BRCA2: variants seen among roughly 807,000 people sequenced by gnomAD.
The protein encoded by BRCA2 is breast cancer type 2 susceptibility protein.
Under a neutral mutation model 276.7 loss-of-function variants are expected in BRCA2, and 203 were observed. The observed-to-expected ratio is 0.73, with a 90% confidence interval of 0.65 to 0.82. The LOEUF is 0.82. Among genes scored for constraint, BRCA2 ranks in the 40% least tolerant of loss-of-function variants. BRCA2 has a pLI of 0.00. For missense variants in BRCA2, 3,920 were observed against 3,915.0 expected, an observed-to-expected ratio of 1.00 and a Z score of -0.03; for synonymous variants, 1,289 against 1,338.4, an observed-to-expected ratio of 0.96 and a Z score of 0.81.
Position 32,319,241 on chromosome 13 carries a change from C to T in BRCA2, c.232C>T (p.Pro78Ser), listed in dbSNP as rs398122745. 1.2e-6 allele frequency: 2 copies of T among 1,613,576 alleles called. No homozygotes were observed. Among genetic ancestry groups the T allele is most frequent in the Non-Finnish European group, 1.7e-6 (2 of 1,179,624 alleles). Residue 78 changes from proline (P) to serine (S), a missense_variant, in exon 3 of 27, where the codon CCA becomes TCA. Transcript: ENST00000380152. The part of the protein sequence containing the change: ...KPSYNQLAST[P>S]IIFKEQGLTL... Reference sequence around the variant, plus strand: ...ATCTTATAATCAGCTGGCTTCAACTCCAATAATATTCAAAGAGCAAGGGCT... The same window carrying T: ...ATCTTATAATCAGCTGGCTTCAACTTCAATAATATTCAAAGAGCAAGGGCT...
In BRCA2 at chr13:32,355,050, A is replaced by G. The variant is rs1555286035; in HGVS notation, c.7197A>G (p.Thr2399=). 3 of 1,614,086 alleles carry G rather than the reference A, an allele frequency of 1.9e-6. No individual in the cohort carries two copies. The highest frequency in any genetic ancestry group is 2.5e-6 in the Non-Finnish European group (3 of 1,179,958). The change falls in exon 14 of 27, where the codon ACA becomes ACG. Residue 2399 remains threonine (T), a synonymous_variant. Transcript: ENST00000380152. ...RNEKMRHLIT[T]GRPTKVFVPP... ...AAAAAATGAGACACTTGATTACTAC[A>G]GGCAGACCAACCAAAGTCTTTGTTC...
At chr13:32,368,776 GTTGT>G (rs921792709) in intron 18 of BRCA2, among the ~76,000 whole-genome samples, 6 of 148,888 alleles carry the variant, frequency 4.0e-5, no homozygotes, top group Middle Eastern at 3.4e-3. Flanking sequence ...TTTGTTGTTT[GTTGT>G]TTGTTTTTTG....
intron 13 of BRCA2, among the ~76,000 whole-genome samples, chr13:32,354,049 C>CT (rs979128186): frequency 6.6e-6 from 1 of 152,036 alleles, no homozygotes; most frequent in African/African-American, 2.4e-5. Context: ...GTTTTGGAGA[C>CT]TTTTTTTGAG....
At chr13:32,341,662 C>G (rs773034) in intron 11 of BRCA2, among the ~76,000 whole-genome samples, 1 of 151,628 alleles carries the variant, frequency 6.6e-6, no homozygotes, top group Non-Finnish European at 1.5e-5. Context: ...GTCAGGAGAT[C>G]GAGACCATCC....
intron 3 of BRCA2, among the ~76,000 whole-genome samples, chr13:32,320,392 C>A (rs1314230411): frequency 6.6e-6 from 1 of 152,216 alleles, no homozygotes. Context: ...TTGCCATATT[C>A]ATCCTCTCAC....
chr13:32,359,222 G>GAAAAAAAAA (rs67041705), intron 16 of BRCA2, among the ~76,000 whole-genome samples: 4 of 107,430 alleles, frequency 3.7e-5, no homozygotes, highest in Non-Finnish European at 5.5e-5. Flanking sequence ...TCCATCTCAA[G>GAAAAAAAAA]AAAAAAAAAA....
intron 13 of BRCA2, among the ~76,000 whole-genome samples, chr13:32,349,674 G>A (rs938811162): frequency 1.3e-5 from 2 of 151,794 alleles, no homozygotes; most frequent in African/African-American, 4.8e-5. Context: ...AAATTAGCTC[G>A]GCATGGTAGC....
chr13:32,351,584 G>C (rs1019913768), intron 13 of BRCA2, among the ~76,000 whole-genome samples: 1 of 152,184 alleles, frequency 6.6e-6, no homozygotes, highest in South Asian at 2.1e-4. Context: ...TGTGTGTGTA[G>C]TAAGGTAGAA....
At chr13:32,329,637 T>G in intron 8 of BRCA2, 145 bp downstream of exon 8, 1 of 676,790 alleles carries the variant, frequency 1.5e-6, no homozygotes, top group Non-Finnish European at 2.5e-6. Context: ...GTCCTATATG[T>G]GATTTTAACT....
intron 18 of BRCA2, among the ~76,000 whole-genome samples, chr13:32,365,678 T>C (rs1445593572): frequency 6.6e-6 from 1 of 151,086 alleles, no homozygotes; most frequent in East Asian, 1.9e-4. Flanking sequence ...ACGCCCAGCC[T>C]GTTTTGTTGT....
rs138489917 is a variant in BRCA2 at position 32,339,850 on chromosome 13, C to A, written c.5495C>A (p.Ser1832Tyr). The A allele has an allele frequency of 6.8e-6, 11 of 1,613,294 alleles. No homozygotes were observed. In the East Asian group the frequency reaches 8.9e-5, roughly 13 times the overall value. Residue 1832 changes from serine (S) to tyrosine (Y), a missense_variant, in exon 11 of 27, where the codon TCT (serine) becomes TAT (tyrosine). By Grantham distance (144) the Ser-to-Tyr change is moderately radical. Coordinates refer to ENST00000380152, the MANE Select transcript of BRCA2 (RefSeq NM_000059.4). The stretch of plus-strand genomic sequence containing the variant: ...AATGCAGCCATTAAATTGTCCATAT[C>A]TAATAGTAATAATTTTGAGGTAGGG... ...NKNAAIKLSI[S>Y]NSNNFEVGPP...
rs80359672 is a variant in BRCA2, at chr13:32,357,794, CAG to C, written c.7673_7674del (p.Glu2558ValfsTer7). ...TGCATAAAAATTAACAGCAAAAATG[CAG>C]AGTCTTTTCAGTTTCACACTGAAGA... On this transcript the variant is annotated frameshift_variant, in exon 16 of 27. Transcript: ENST00000380152. LOFTEE classifies it high-confidence loss of function. The C allele has an allele frequency of 6.2e-7, 1 of 1,613,678 alleles. No individual in the cohort carries two copies. The highest frequency in any genetic ancestry group is 1.1e-5 in the South Asian group (1 of 91,058).
In BRCA2 at chr13:32,344,544, A is replaced by G. The variant is rs81002821; in HGVS notation, c.6842-14A>G. On this transcript the variant is annotated splice_polypyrimidine_tract_variant and intron_variant, in intron 11 of 26. Coordinates refer to ENST00000380152, the MANE Select transcript of BRCA2 (RefSeq NM_000059.4). ...TATTTGCCTTAAAAACATATATGAAATATTTCTTTTTAGGAGAACCCTCAA... is the reference window on the plus strand; with the variant it reads ...TATTTGCCTTAAAAACATATATGAAGTATTTCTTTTTAGGAGAACCCTCAA... 2 of 1,463,490 alleles carry G rather than the reference A, an allele frequency of 1.4e-6. No individual in the cohort carries two copies. Among genetic ancestry groups the G allele is most frequent in the Admixed American group, 1.7e-5 (1 of 57,894 alleles). 90.7% of individuals were successfully genotyped at this position (1,463,490 alleles called of 1,614,324 possible).
chr13:32,329,440 C>A lies in BRCA2; in HGVS notation c.632-3C>A, dbSNP rs568027879. 3 of 1,590,500 alleles carry A rather than the reference C, an allele frequency of 1.9e-6. No individual in the cohort carries two copies. The highest frequency in any genetic ancestry group is 2.6e-6 in the Non-Finnish European group (3 of 1,161,160). ...ACAATACACATAAATTTTTATCTTA[C>A]AGTCAGAAATGAAGAAGCATCTGAA... On this transcript the variant is annotated splice_region_variant and splice_polypyrimidine_tract_variant and intron_variant, in intron 7 of 26. Coordinates refer to ENST00000380152, the MANE Select transcript of BRCA2 (RefSeq NM_000059.4).
chr13:32,342,072 G>A (rs942673166), intron 11 of BRCA2, among the ~76,000 whole-genome samples: 1 of 152,052 alleles, frequency 6.6e-6, no homozygotes, highest in African/African-American at 2.4e-5. Flanking sequence ...AGGAGTTTGA[G>A]ACCAGCCTGA....
rs2072436516 is a variant in BRCA2 at position 32,334,946 on chromosome 13, A to G, written c.1910-1319A>G. Among the ~76,000 whole-genome samples the G allele has an allele frequency of 2.6e-5, 4 of 152,228 alleles. No homozygotes were observed. The South Asian group carries it at 8.3e-4, about 31-fold the overall frequency. On this transcript the variant is annotated intron_variant, in intron 10 of 26. Transcript: ENST00000380152. ...AAGACTTTAGTGAATAGCTCAGTGA[A>G]TAGTAGAGTTGGTGAGACCACAGTA... is the stretch of plus-strand genomic sequence containing the variant.
intron 21 of BRCA2, among the ~76,000 whole-genome samples, chr13:32,377,729 T>A (rs1049950879): frequency 1.3e-5 from 2 of 152,168 alleles, no homozygotes; most frequent in Non-Finnish European, 2.9e-5. Flanking sequence ...CCTCCTAAAT[T>A]TTTAGACAGG....
Position 32,340,018 on chromosome 13 carries a change from A to G in BRCA2, c.5663A>G (p.Lys1888Arg), listed in dbSNP as rs80358791. 12 of 1,612,830 alleles carry G rather than the reference A, an allele frequency of 7.4e-6. No homozygotes were observed. The highest frequency in any genetic ancestry group is 1.6e-4 in the Middle Eastern group (1 of 6,078). Residue 1888 changes from lysine (K) to arginine (R), a missense_variant, in exon 11 of 27, where the codon AAA (lysine) becomes AGA (arginine). Lys to Arg is a conservative substitution (Grantham distance 26). This residue lies in a region of BRCA2 where 3,263 missense variants were observed against 3,156.9 expected (regional missense o/e 1.03). Coordinates refer to ENST00000380152, the MANE Select transcript of BRCA2 (RefSeq NM_000059.4). ...NENKSKICQT[K>R]IMAGCYEALD... ...AATAAATCAAAAATTTGCCAAACGA[A>G]AATTATGGCAGGTTGTTACGAGGCA... is the stretch of plus-strand genomic sequence containing the variant.
intron 13 of BRCA2, among the ~76,000 whole-genome samples, chr13:32,349,875 C>T (rs899785334): frequency 6.6e-6 from 1 of 151,216 alleles, no homozygotes; most frequent in African/African-American, 2.4e-5. Context: ...CTGTCTCCTG[C>T]CCGCTCTATG....
Sources: gnomAD v4.1 joint callset for allele counts (sites outside exome capture counted in the v4.1 genomes callset) on GRCh38, gnomAD v4.1.1 for gene constraint, gnomAD v4.1.1 regional missense constraint, MANE v1.5 for transcripts, NCBI Gene and HGNC (gene_info 2026-07-23, HGNC 2026-07-21) for gene names.